The following AVEN variants were observed in gnomAD, a reference collection of about 807,000 sequenced individuals.
The protein encoded by AVEN is apoptosis and caspase activation inhibitor.
A neutral mutation model predicts 38.1 loss-of-function variants in AVEN; 41 were observed. The ratio of observed to expected loss-of-function variants is 1.08; its 90% CI spans 0.84 to 1.40. AVEN has a LOEUF of 1.40. Among genes scored for constraint, AVEN ranks in the 40% most tolerant of loss-of-function variants. The probability of loss-of-function intolerance (pLI) is 0.00; values close to 1 mark genes in which losing one functional copy is unlikely to be tolerated. For missense variants in AVEN, 605 were observed against 438.8 expected (o/e 1.38, Z -3.38); for synonymous variants, 206 against 171.8 (o/e 1.20, Z -1.56).
At chr15:33,944,754 A>G (rs1001228603) in intron 2 of AVEN, among the ~76,000 whole-genome samples, 3 of 151,892 alleles carry the variant, frequency 2.0e-5, no homozygotes, top group Non-Finnish European at 4.4e-5. Flanking sequence ...ACTTGCAGTG[A>G]GCCGAGATCG....
chr15:33,871,105 A>G, intron 3 of AVEN, 75 bp from the exon 4 acceptor site: 2 of 988,254 alleles, frequency 2.0e-6, no homozygotes, highest in Non-Finnish European at 2.7e-6. Flanking sequence ...AAGAAACTGT[A>G]AATAATCCAC....
intron 2 of AVEN, among the ~76,000 whole-genome samples, chr15:33,980,474 C>T (rs1051931191): frequency 2.6e-5 from 4 of 152,186 alleles, no homozygotes; most frequent in African/African-American, 9.7e-5. Context: ...AACACGTCCT[C>T]TGATTTCTCT....
intron 1 of AVEN, among the ~76,000 whole-genome samples, chr15:34,018,748 T>C (rs188046705): frequency 1.6e-4 from 25 of 152,356 alleles, no homozygotes; most frequent in African/African-American, 6.0e-4. Context: ...GTCCTACTGA[T>C]TGGTCCATTT....
chr15:34,067,362 A>G (rs1388014397), intron 2 of AVEN: 1 of 152,230 alleles, frequency 6.6e-6, no homozygotes, highest in Non-Finnish European at 1.5e-5. Flanking sequence ...CCAGTTGTCT[A>G]CTGTAAATAC....
intron 2 of AVEN, among the ~76,000 whole-genome samples, chr15:33,980,814 C>T (rs904522247): frequency 6.6e-6 from 1 of 152,172 alleles, no homozygotes; most frequent in Non-Finnish European, 1.5e-5. Context: ...AAAACATTAT[C>T]AACAAGAGTA....
At chr15:34,036,902 G>T (rs1014838006) in intron 1 of AVEN, among the ~76,000 whole-genome samples, 1 of 152,114 alleles carries the variant, frequency 6.6e-6, no homozygotes, top group African/African-American at 2.4e-5. Flanking sequence ...CTGAGGTCAG[G>T]AGTTCGAGAC....
At chr15:34,065,836 G>A (rs369651576) in intron 4 of AVEN, 9 of 152,194 alleles carry the variant, frequency 5.9e-5, no homozygotes, top group African/African-American at 1.9e-4. Context: ...TATTTAACTC[G>A]TTGGTTACAT....
chr15:34,033,474 C>A (rs1213532885), intron 1 of AVEN, among the ~76,000 whole-genome samples: 1 of 151,376 alleles, frequency 6.6e-6, no homozygotes, highest in Non-Finnish European at 1.5e-5. Context: ...CCACTGCACT[C>A]CAGCCTGGGT....
intron 1 of AVEN, among the ~76,000 whole-genome samples, chr15:34,024,042 T>C (rs1898328802): frequency 6.6e-6 from 1 of 152,144 alleles, no homozygotes; most frequent in African/African-American, 2.4e-5. Flanking sequence ...AGAAAATAAA[T>C]GTGAATGTTT....
intron 5 of AVEN, among the ~76,000 whole-genome samples, chr15:34,047,083 T>TTTC (rs1899724663): frequency 6.6e-6 from 1 of 151,370 alleles, no homozygotes; most frequent in African/African-American, 2.4e-5. Flanking sequence ...GTTTTTTTTT[T>TTTC]TTTCTTTTTT....
chr15:33,927,532 G>T (rs573313873), intron 2 of AVEN, among the ~76,000 whole-genome samples: 5 of 151,964 alleles, frequency 3.3e-5, no homozygotes, highest in Non-Finnish European at 7.4e-5. Context: ...TTCTCTACTG[G>T]AAGATACAGA....
downstream of AVEN, chr15:33,865,550 G>T: frequency 3.8e-6 from 1 of 260,354 alleles, no homozygotes; most frequent in Non-Finnish European, 7.4e-6. Context: ...AAGGGCTAGA[G>T]AAGTATGAAA....
intron 2 of AVEN, among the ~76,000 whole-genome samples, chr15:33,917,387 C>G (rs977749629): frequency 0.26 from 45 of 172 alleles, no homozygotes; most frequent in Non-Finnish European, 0.35. Context: ...TACACACACA[C>G]ACACACACAC....
intron 2 of AVEN, among the ~76,000 whole-genome samples, chr15:33,996,030 C>T (rs34926360): frequency 0.15 from 22,510 of 152,008 alleles, 2,087 homozygotes; most frequent in Middle Eastern, 0.27. Flanking sequence ...GGAGTATATC[C>T]CACACATGGC....
chr15:33,899,873 T>C (rs1013649625), intron 2 of AVEN, among the ~76,000 whole-genome samples: 2 of 152,112 alleles, frequency 1.3e-5, no homozygotes, highest in Admixed American at 1.3e-4. Flanking sequence ...AGAAGTATGT[T>C]CCAGAGGTCG....
intron 2 of AVEN, among the ~76,000 whole-genome samples, chr15:33,933,187 T>G (rs1312812732): frequency 6.6e-6 from 1 of 152,056 alleles, no homozygotes; most frequent in Non-Finnish European, 1.5e-5. Context: ...TCACAAAGGT[T>G]ATTATTATAG....
intron 11 of AVEN, among the ~76,000 whole-genome samples, chr15:33,860,192 A>G (rs1192712234): frequency 6.6e-6 from 1 of 152,182 alleles, no homozygotes; most frequent in Non-Finnish European, 1.5e-5. Context: ...AGGAACCTGT[A>G]AGACATGCAG....
intron 2 of AVEN, among the ~76,000 whole-genome samples, chr15:33,973,794 T>C (rs1051553175): frequency 9.2e-5 from 14 of 152,372 alleles, no homozygotes; most frequent in Admixed American, 5.2e-4. Flanking sequence ...CTAATTTATC[T>C]GTCTATTCCC....
chr15:34,012,955 T>C (rs1897697253), intron 1 of AVEN, among the ~76,000 whole-genome samples: 1 of 152,206 alleles, frequency 6.6e-6, no homozygotes, highest in South Asian at 2.1e-4. Context: ...ATGGTCTGTT[T>C]TAAATTTCCT....
Sources: allele counts gnomAD v4.1 joint callset (sites outside exome capture counted in the v4.1 genomes callset), GRCh38; gene constraint gnomAD v4.1.1; transcripts MANE v1.5; gene names NCBI Gene and HGNC (gene_info 2026-07-23, HGNC 2026-07-21).